Variants in RPL3L observed in about 807,000 individuals in gnomAD.
RPL3L encodes the protein ribosomal protein uL3-like.
Under a neutral mutation model 44.5 loss-of-function variants are expected in RPL3L, and 44 were observed. The ratio of observed to expected loss-of-function variants is 0.99; its 90% confidence interval spans 0.78 to 1.27. The LOEUF (loss-of-function observed/expected upper bound fraction) is 1.27, where lower values mean the gene tolerates loss of function less well. Ranked by LOEUF, RPL3L falls within the 50% of genes most tolerant of loss-of-function variation. The probability of loss-of-function intolerance (pLI) is 0.00; values close to 1 mark genes in which losing one functional copy is unlikely to be tolerated. For missense variants in RPL3L, 631 were observed against 569.1 expected (o/e 1.11, Z -1.11); for synonymous variants, 292 against 230.7 (o/e 1.27, Z -2.41).
At chr16:1,946,028 G>T in intron 7 of RPL3L, 98 bp from the exon 8 acceptor site, 1 of 1,032,394 alleles carries the variant, frequency 9.7e-7, no homozygotes, top group Non-Finnish European at 1.4e-6. Flanking sequence ...GGCAGTGATA[G>T]GCAGGAGCCC....
chr16:1,947,968 C>T (rs1454891562), intron 4 of RPL3L, among the ~76,000 whole-genome samples: 10 of 140,656 alleles, frequency 7.1e-5, no homozygotes, highest in South Asian at 4.6e-4. Context: ...TTTTGAGTCT[C>T]GCTCTATCGC....
chr16:1,954,560 GC>G, intron 1 of RPL3L, 68 bp downstream of exon 1: 7 of 1,484,890 alleles, frequency 4.7e-6, no homozygotes, highest in Non-Finnish European at 5.4e-6. Flanking sequence ...GCATCCAGAA[GC>G]CCAGCTGTCC....
chr16:1,952,530 C>A (rs2108660), intron 3 of RPL3L, among the ~76,000 whole-genome samples: 138,290 of 152,040 alleles, frequency 0.91, 62,964 homozygotes, highest in East Asian at 0.98. Context: ...GCGCACCACC[C>A]CAGCCAGCTA....
chr16:1,953,808 G>T, intron 2 of RPL3L, 148 bp downstream of exon 2: 1 of 797,016 alleles, frequency 1.3e-6, no homozygotes, highest in Non-Finnish European at 1.8e-6. Flanking sequence ...AGCCCTGCCT[G>T]TGCTCAGCGT....
At chr16:1,952,764 T>C in intron 3 of RPL3L, 110 bp downstream of exon 3, 1 of 1,289,642 alleles carries the variant, frequency 7.8e-7, no homozygotes, top group Non-Finnish European at 1.1e-6. Context: ...GGTTGAGACT[T>C]CGCTTCCTAC....
chr16:1,948,586 G>A lies in RPL3L; in HGVS notation c.502-1206C>T, dbSNP rs144600079. On this transcript the variant is annotated intron_variant, in intron 4 of 9. Coordinates refer to ENST00000268661, the MANE Select transcript of RPL3L (RefSeq NM_005061.3). ...GTCTCGCTCTGTCACCCAGGCTGGAGTGCAGTGGCATGATCAAGGCTCACT... is the reference window on the plus strand; with the variant it reads ...GTCTCGCTCTGTCACCCAGGCTGGAATGCAGTGGCATGATCAAGGCTCACT... Among the ~76,000 whole-genome samples, 957 of 152,152 alleles carry A rather than the reference G, an allele frequency of 6.3e-3. 8 individuals carry two copies. Among genetic ancestry groups the A allele is most frequent in the African/African-American group, 0.021 (875 of 41,526 alleles).
intron 4 of RPL3L, among the ~76,000 whole-genome samples, chr16:1,949,951 G>A (rs1290250640): frequency 1.6e-5 from 2 of 123,304 alleles, no homozygotes; most frequent in Non-Finnish European, 3.4e-5. Flanking sequence ...GTAAGGGGCA[G>A]GTATGTAAGG....
chr16:1,953,925 C>T, intron 2 of RPL3L, 31 bp downstream of exon 2: 3 of 1,471,750 alleles, frequency 2.0e-6, no homozygotes, highest in Non-Finnish European at 2.7e-6. Context: ...TCAGCCCTCC[C>T]CCTCCCCCAA....
chr16:1,950,863 C>T lies in RPL3L; in HGVS notation c.482G>A (p.Arg161Gln), dbSNP rs772787989. The stretch of plus-strand genomic sequence containing the variant: ...GCTGACCTGAGTGTGGACAATGACC[C>T]GAATGACCTTGCAGTACTTCTTCAT... ...AAMKKYCKVIRVIVHTQMKLL... is the reference protein window; with the variant it reads ...AAMKKYCKVIQVIVHTQMKLL... The change falls in exon 4 of 10, where the codon CGG (arginine) becomes CAG (glutamine). Residue 161 changes from arginine (R) to glutamine (Q), a missense_variant. Transcript: ENST00000268661. 2.9e-5 allele frequency: 46 copies of T among 1,613,956 alleles called. No homozygotes were observed. The highest frequency in any genetic ancestry group is 3.8e-5 in the Non-Finnish European group (45 of 1,179,968).
At chr16:1,950,560 C>T (rs1393525991) in intron 4 of RPL3L, among the ~76,000 whole-genome samples, 1 of 152,166 alleles carries the variant, frequency 6.6e-6, no homozygotes, top group Non-Finnish European at 1.5e-5. Flanking sequence ...AGGTGACCAG[C>T]CCTCCACACA....
At position 1,946,553 on chromosome 16, in the gene RPL3L, G is replaced by T. The variant is rs761423703; in HGVS notation, c.951+72C>A. On this transcript the variant is annotated intron_variant, in intron 7 of 9. Transcript: ENST00000268661. Reference sequence around the variant, plus strand: ...CCCCTACATGTATACCAGGCCCCCCGGCCAGCCTGACCCCACTCCAGCCAT... The same window carrying T: ...CCCCTACATGTATACCAGGCCCCCCTGCCAGCCTGACCCCACTCCAGCCAT... The T allele has an allele frequency of 3.8e-4, 566 of 1,505,430 alleles. 3 individuals are homozygous for T. Among genetic ancestry groups the T allele is most frequent in the Admixed American group, 3.6e-4 (21 of 58,926 alleles). 93.3% of individuals were successfully genotyped at this position (1,505,430 alleles called of 1,614,324 possible).
intron 3 of RPL3L, among the ~76,000 whole-genome samples, chr16:1,951,462 G>T (rs532041498): frequency 6.6e-6 from 1 of 151,872 alleles, no homozygotes; most frequent in South Asian, 2.1e-4. Context: ...GCTCACTGCA[G>T]CCTGGAGCTC....
Position 1,950,940 on chromosome 16 carries a change from C to T in RPL3L, c.405G>A (p.Lys135=). ...SKKKAFTKAC[K]RWRDTDGKKQ... Reference sequence around the variant, plus strand: ...TTTTCCCGTCTGTGTCCCGCCACCTCTTGCAGGCCTTGGTGAAGGCTTTCT... The same window carrying T: ...TTTTCCCGTCTGTGTCCCGCCACCTTTTGCAGGCCTTGGTGAAGGCTTTCT... The change falls in exon 4 of 10, where the codon AAG becomes AAA. Residue 135 remains lysine (K), a synonymous_variant. Coordinates refer to ENST00000268661, the MANE Select transcript of RPL3L (RefSeq NM_005061.3). The T allele has an allele frequency of 1.9e-6, 3 of 1,614,064 alleles. No individual in the cohort carries two copies. Among genetic ancestry groups the T allele is most frequent in the Non-Finnish European group, 2.5e-6 (3 of 1,179,966 alleles).
chr16:1,951,359 G>A (rs2083170858), intron 3 of RPL3L, among the ~76,000 whole-genome samples: 2 of 152,150 alleles, frequency 1.3e-5, no homozygotes, highest in African/African-American at 4.8e-5. Flanking sequence ...CCATGGCCAG[G>A]CACCTCGGGC....
Position 1,953,053 on chromosome 16 carries a change from C to A in RPL3L, c.197-11G>T. The A allele has an allele frequency of 1.9e-6, 3 of 1,583,920 alleles. No homozygotes were observed. Among genetic ancestry groups the A allele is most frequent in the Non-Finnish European group, 2.6e-6 (3 of 1,165,014 alleles). On this transcript the variant is annotated splice_polypyrimidine_tract_variant and intron_variant, in intron 2 of 9. Transcript: ENST00000268661. ...CCCGTTTGGAAATTTCTGGATGAGA[C>A]ACAGGGATGGGGCATGAAGGGGGAC...
intron 9 of RPL3L, among the ~76,000 whole-genome samples, chr16:1,945,205 A>C (rs150717412): frequency 1.2e-4 from 19 of 152,002 alleles, no homozygotes; most frequent in African/African-American, 3.9e-4. Flanking sequence ...AATACAGAAA[A>C]TTAGCCTGGC....
Position 1,948,128 on chromosome 16 carries a change from A to G in RPL3L, c.502-748T>C, listed in dbSNP as rs547719679. Among the ~76,000 whole-genome samples, 34 of 151,574 alleles carry G rather than the reference A, an allele frequency of 2.2e-4. No homozygotes were observed. The South Asian group carries it at 3.4e-3, about 15-fold the overall frequency. On this transcript the variant is annotated intron_variant, in intron 4 of 9. Transcript: ENST00000268661. Reference sequence around the variant, plus strand: ...AATTTTTTGTATTTTTAGTTGAGACAGGGTTTCACTGTGTTGGCCCGGATG... The same window carrying G: ...AATTTTTTGTATTTTTAGTTGAGACGGGGTTTCACTGTGTTGGCCCGGATG...
chr16:1,944,960 A>G lies in RPL3L; in HGVS notation c.1168-67T>C, dbSNP rs2083109577. On this transcript the variant is annotated intron_variant, in intron 9 of 9. Transcript: ENST00000268661. ...GCCAGAAACACGCCCTCCCCCAGCC[A>G]GGCTCTAGATCACTCAGGGCCGGCC... The G allele has an allele frequency of 2.3e-5, 37 of 1,601,406 alleles. No individual in the cohort carries two copies. The South Asian group carries it at 4.0e-4, about 17-fold the overall frequency.
chr16:1,952,849 C>T (rs368718732), intron 3 of RPL3L, 25 bp downstream of exon 3: 158 of 1,612,156 alleles, frequency 9.8e-5, no homozygotes, highest in Non-Finnish European at 1.3e-4. Context: ...AGCCCTTGGA[C>T]GGCCCAGCCA....
Sources: allele counts gnomAD v4.1 joint callset (sites outside exome capture counted in the v4.1 genomes callset), GRCh38; gene constraint gnomAD v4.1.1; transcripts MANE v1.5; gene names NCBI Gene and HGNC (gene_info 2026-07-23, HGNC 2026-07-21).